Variants in ECM1 observed in about 807,000 individuals in gnomAD.
The protein encoded by ECM1 is secretory component p85.
Under a neutral mutation model 57.9 loss-of-function variants are expected in ECM1, and 54 were observed. The ratio of observed to expected loss-of-function variants is 0.93; its 90% CI spans 0.75 to 1.17. The LOEUF (loss-of-function observed/expected upper bound fraction) is 1.17. Among genes scored for constraint, ECM1 ranks in the 50% most tolerant of loss-of-function variants. The pLI is 0.00. For missense variants in ECM1, 649 were observed against 688.1 expected, an observed-to-expected ratio of 0.94 and a Z score of 0.64; for synonymous variants, 237 against 259.1, an observed-to-expected ratio of 0.91 and a Z score of 0.82.
intron 1 of ECM1, chr1:150,509,210 C>T: frequency 2.2e-6 from 1 of 458,208 alleles, no homozygotes; most frequent in Non-Finnish European, 4.1e-6. Context: ...GGACAACCCA[C>T]AGCCCTGAGG....
Position 150,512,452 on chromosome 1 carries a change from G to A in ECM1, c.1184G>A (p.Cys395Tyr). The A allele has an allele frequency of 6.2e-7, 1 of 1,613,592 alleles. No homozygotes were observed. ...CCTCCCAGCCCTACTCGGGATGAGT[G>A]CTTTGCCCGTCGGGCTCCTTACCCC... ...RHPPSPTRDE[C>Y]FARRAPYPNY... is the part of the protein sequence containing the mutation. Residue 395 changes from cysteine (C) to tyrosine (Y), a missense_variant, in exon 8 of 10, where the codon TGC (cysteine) becomes TAC (tyrosine). Transcript: ENST00000369047.
Position 150,511,790 on chromosome 1 carries a change from T to G in ECM1, c.1042T>G (p.Cys348Gly), listed in dbSNP as rs1297456054. ...CCAGCTGGAGAGGGAGTTCCAGCGC[T>G]GCTGCCGCCAGGGGAACAATCACAC... ...LIQLEREFQR[C>G]CRQGNNHTCT... Residue 348 changes from cysteine to glycine, a missense_variant, in exon 7 of 10, where the codon TGC (cysteine) becomes GGC (glycine). Coordinates refer to ENST00000369047, the MANE Select transcript of ECM1 (RefSeq NM_004425.4). 1.1e-5 allele frequency: 17 copies of G among 1,612,924 alleles called. No homozygotes were observed. The highest frequency in any genetic ancestry group is 1.3e-5 in the African/African-American group (1 of 74,868).
At position 150,508,271 on chromosome 1, in the gene ECM1, C is replaced by T; in HGVS notation, c.62C>T (p.Ser21Phe). The T allele has an allele frequency of 1.2e-6, 2 of 1,613,938 alleles. No individual in the cohort carries two copies. The highest frequency in any genetic ancestry group is 1.7e-6 in the Non-Finnish European group (2 of 1,180,002). Residue 21 changes from serine (S) to phenylalanine (F), a missense_variant, in exon 1 of 10, where the codon TCT (serine) becomes TTT (phenylalanine). Physicochemically the swap from Ser to Phe is radical, Grantham distance 155 (BLOSUM62 -2). Transcript: ENST00000369047. ...TATTTGGCTGTTGCTTCTGCTGCCT[C>T]TGAGGGAGGTGAGTTGGGGGATCAG... ...LTYLAVASAA[S>F]EGGFTATGQR...
Position 150,511,517 on chromosome 1 carries a change from T to C in ECM1, c.769T>C (p.Trp257Arg). 6.2e-7 allele frequency: 1 copy of C among 1,614,170 alleles called. No homozygotes were observed. Among genetic ancestry groups the C allele is most frequent in the East Asian group, 2.2e-5 (1 of 44,886 alleles). The stretch of plus-strand genomic sequence containing the variant: ...GTTCTCGGTCAAGACCCGACCCCAC[T>C]GGTGCTGCACGCGGCAGGGGGAGGC... ...AEFSVKTRPHWCCTRQGEARF... is the reference protein window; with the variant it reads ...AEFSVKTRPHRCCTRQGEARF... Residue 257 changes from tryptophan to arginine, a missense_variant, in exon 7 of 10, where the codon TGG (tryptophan) becomes CGG (arginine). By Grantham distance (101) the Trp-to-Arg change is moderately radical (BLOSUM62 -3). Coordinates refer to ENST00000369047, the MANE Select transcript of ECM1 (RefSeq NM_004425.4).
In ECM1 at chr1:150,512,384, G is replaced by A. The variant is rs587597992; in HGVS notation, c.1116G>A (p.Arg372=). The change falls in exon 8 of 10, where the codon CGG becomes CGA. Residue 372 remains arginine (R), a synonymous_variant. Transcript: ENST00000369047. ...WEDTLDKYCD[R]EYAVKTHHHL... ...ATACCCTTGACAAATACTGTGACCGGGAGTATGCTGTGAAGACCCACCACC... is the reference window on the plus strand; with the variant it reads ...ATACCCTTGACAAATACTGTGACCGAGAGTATGCTGTGAAGACCCACCACC... 1.9e-6 allele frequency: 3 copies of A among 1,612,836 alleles called. No homozygotes were observed. The South Asian group carries it at 3.3e-5, about 18-fold the overall frequency.
At position 150,511,484 on chromosome 1, in the gene ECM1, G is replaced by A. The variant is rs1670439196; in HGVS notation, c.736G>A (p.Glu246Lys). The change falls in exon 7 of 10, where the codon GAG (glutamate) becomes AAG (lysine). Residue 246 changes from glutamate (E) to lysine (K), a missense_variant. By Grantham distance (56) the Glu-to-Lys change is moderately conservative. Coordinates refer to ENST00000369047, the MANE Select transcript of ECM1 (RefSeq NM_004425.4). ...VWEEAMSRFC[E>K]AEFSVKTRPH... ...GGAGGAAGCAATGAGCCGATTCTGTGAGGCCGAGTTCTCGGTCAAGACCCG... is the reference window on the plus strand; with the variant it reads ...GGAGGAAGCAATGAGCCGATTCTGTAAGGCCGAGTTCTCGGTCAAGACCCG... The A allele has an allele frequency of 6.2e-7, 1 of 1,614,144 alleles. No individual in the cohort carries two copies. The highest frequency in any genetic ancestry group is 8.5e-7 in the Non-Finnish European group (1 of 1,180,000).
rs200366841 is a variant in ECM1, at chr1:150,512,461, G to A, written c.1193G>A (p.Arg398His). ...CCTACTCGGGATGAGTGCTTTGCCC[G>A]TCGGGCTCCTTACCCCAACTATGAC... ...PSPTRDECFA[R>H]RAPYPNYDRD... Residue 398 changes from arginine (R) to histidine (H), a missense_variant, in exon 8 of 10, where the codon CGT becomes CAT. Transcript: ENST00000369047. 24 of 1,613,474 alleles carry A rather than the reference G, an allele frequency of 1.5e-5. No homozygotes were observed. Among genetic ancestry groups the A allele is most frequent in the Admixed American group, 8.3e-5 (5 of 59,886 alleles).
Position 150,513,632 on chromosome 1 carries a change from C to A in ECM1, c.*165C>A. 1 of 676,076 alleles carries A rather than the reference C, an allele frequency of 1.5e-6. No individual in the cohort carries two copies. Among genetic ancestry groups the A allele is most frequent in the Non-Finnish European group, 2.5e-6 (1 of 403,520 alleles). The allele number at this position is 676,076 out of a possible 1,614,324, so 41.9% of individuals were successfully genotyped here. ...ATCTTGGTGCCCTGGCCCAGGAGGGCACTGGCGTTTTCAGACACACCACAG... is the reference window on the plus strand; with the variant it reads ...ATCTTGGTGCCCTGGCCCAGGAGGGAACTGGCGTTTTCAGACACACCACAG... On this transcript the variant is annotated 3_prime_UTR_variant, in exon 10 of 10. Transcript: ENST00000369047.
At chr1:150,510,793 A>G in intron 5 of ECM1, 83 bp from the exon 6 acceptor site, 1 of 1,409,742 alleles carries the variant, frequency 7.1e-7, no homozygotes. Context: ...CCTCCACCCC[A>G]GATTCTTTCA....
Position 150,511,614 on chromosome 1 carries a change from C to G in ECM1, c.866C>G (p.Pro289Arg). Residue 289 changes from proline (P) to arginine (R), a missense_variant, in exon 7 of 10, where the codon CCT (proline) becomes CGT (arginine). Transcript: ENST00000369047. ...YQLRACPSHQPDISSGLELPF... is the reference protein window; with the variant it reads ...YQLRACPSHQRDISSGLELPF... ...CTCCGGGCCTGCCCCAGCCATCAGC[C>G]TGATATTTCCTCGGGTCTTGAGCTG... 7.4e-6 allele frequency: 12 copies of G among 1,614,188 alleles called. No individual in the cohort carries two copies. Among genetic ancestry groups the G allele is most frequent in the Non-Finnish European group, 1.0e-5 (12 of 1,180,034 alleles).
intron 1 of ECM1, chr1:150,509,312 C>G (rs1670367260): frequency 3.2e-6 from 2 of 623,098 alleles, no homozygotes; most frequent in Non-Finnish European, 5.8e-6. Flanking sequence ...AGAGGTGGAG[C>G]TATCAGACCG....
chr1:150,511,183 G>C lies in ECM1; in HGVS notation c.693G>C (p.Glu231Asp). Residue 231 changes from glutamate (E) to aspartate (D), a missense_variant, in exon 6 of 10, where the codon GAG becomes GAC. Glu to Asp is a conservative substitution (Grantham distance 45). Coordinates refer to ENST00000369047, the MANE Select transcript of ECM1 (RefSeq NM_004425.4). ...GCCGCAGCCACACAAACCGCCTAGA[G>C]TGTGCCAAACTTGTGGTAAGGTTGG... is the stretch of plus-strand genomic sequence containing the variant. ...CHCRSHTNRL[E>D]CAKLVWEEAM... 1 of 1,614,224 alleles carries C rather than the reference G, an allele frequency of 6.2e-7. No homozygotes were observed.
rs1570885649 is a variant in ECM1, at chr1:150,511,750, G to A, written c.1002G>A (p.Glu334=). The change falls in exon 7 of 10, where the codon GAG becomes GAA. Residue 334 remains glutamate (E), a synonymous_variant. Coordinates refer to ENST00000369047, the MANE Select transcript of ECM1 (RefSeq NM_004425.4). ...CAGCTACTGACCCCCTACAAAGGGA[G>A]CTGCTGGCACTGATCCAGCTGGAGA... ...NLPATDPLQR[E]LLALIQLERE... The A allele has an allele frequency of 3.1e-6, 5 of 1,614,078 alleles. No individual in the cohort carries two copies. The highest frequency in any genetic ancestry group is 4.2e-6 in the Non-Finnish European group (5 of 1,179,990).
At chr1:150,509,859 G>A (rs377589301) in intron 3 of ECM1, 63 bp from the exon 4 acceptor site, 332 of 1,613,670 alleles carry the variant, frequency 2.1e-4, no homozygotes, top group Non-Finnish European at 2.7e-4. Flanking sequence ...AGAGGCCCTC[G>A]CCCCCACTCC....
rs1560264656 is a variant in ECM1, at chr1:150,509,830, T to C, written c.223+68T>C. The C allele has an allele frequency of 2.5e-6, 4 of 1,613,868 alleles. No individual in the cohort carries two copies. The highest frequency in any genetic ancestry group is 1.7e-5 in the Admixed American group (1 of 60,002). ...TTCTAATCTGGCCTATATCCCACTT[T>C]TCAGGTGGAAAGGAGGGAAGAGGCC... is the stretch of plus-strand genomic sequence containing the variant. On this transcript the variant is annotated intron_variant, in intron 3 of 9. Transcript: ENST00000369047.
chr1:150,512,076 A>G (rs766273109), intron 7 of ECM1, among the ~76,000 whole-genome samples: 2 of 150,644 alleles, frequency 1.3e-5, no homozygotes, highest in Non-Finnish European at 1.5e-5. Context: ...CCATCCATCC[A>G]TCCGTCCAGC....
chr1:150,511,671 A>G lies in ECM1; in HGVS notation c.923A>G (p.Asn308Ser), dbSNP rs750025579. Residue 308 changes from asparagine (N) to serine (S), a missense_variant, in exon 7 of 10, where the codon AAT (asparagine) becomes AGT (serine). Transcript: ENST00000369047. ...CCTCCTGGGGTGCCCACATTGGACA[A>G]TATCAAGAACATCTGCCACCTGAGG... is the stretch of plus-strand genomic sequence containing the variant. ...PFPPGVPTLD[N>S]IKNICHLRRF... 7.0e-5 allele frequency: 113 copies of G among 1,613,930 alleles called. No homozygotes were observed. The South Asian group carries it at 1.1e-3, about 16-fold the overall frequency.
intron 9 of ECM1, 128 bp downstream of exon 9, chr1:150,512,940 GT>G (rs1357720448): frequency 1.8e-6 from 2 of 1,112,526 alleles, no homozygotes; most frequent in Admixed American, 1.9e-5. Flanking sequence ...TGGGGGAGGT[GT>G]TTTTTTCTTG....
rs1160379841 is a variant in ECM1 at position 150,512,290 on chromosome 1, C to T, written c.1084-62C>T. The stretch of plus-strand genomic sequence containing the variant: ...AGTTGCCAGGGACGATAAGGGAAGT[C>T]GATGGTCAGGAGAGAAGGGGCCAAG... On this transcript the variant is annotated intron_variant, in intron 7 of 9. Transcript: ENST00000369047. 3.8e-6 allele frequency: 6 copies of T among 1,572,366 alleles called. No individual in the cohort carries two copies. In the South Asian group the frequency reaches 4.5e-5, roughly 12 times the overall value.
Sources: allele counts gnomAD v4.1 joint callset (sites outside exome capture counted in the v4.1 genomes callset), GRCh38; gene constraint gnomAD v4.1.1; transcripts MANE v1.5; gene names NCBI Gene and HGNC (gene_info 2026-07-23, HGNC 2026-07-21).